The following TPR variants were observed in gnomAD, a reference collection of about 807,000 sequenced individuals.
TPR encodes the protein nucleoprotein TPR.
In TPR, 51 loss-of-function variants were observed where a neutral mutation model predicts 316.1. That is an observed-to-expected ratio of 0.16 (90% CI 0.13 to 0.20). The LOEUF is 0.20. Ranked by LOEUF, TPR falls within the 10% of genes least tolerant of loss-of-function variation. TPR has a pLI of 1.00. For synonymous variants in TPR, 981 were observed against 914.7 expected, an observed-to-expected ratio of 1.07 and a Z score of -1.31; for missense variants, 2,272 against 2,754.8, an observed-to-expected ratio of 0.82 and a Z score of 3.92.
chr1:186,374,627 G>A (rs2297226), intron 1 of TPR, among the ~76,000 whole-genome samples: 28,453 of 152,102 alleles, frequency 0.19, 3,018 homozygotes, highest in African/African-American at 0.29. Context: ...GCCGGACGAA[G>A]GAAAATAAGC....
At chr1:186,314,934 A>G (rs1175767779) in intron 49 of TPR, among the ~76,000 whole-genome samples, 1 of 152,186 alleles carries the variant, frequency 6.6e-6, no homozygotes, top group East Asian at 1.9e-4. Flanking sequence ...TGGGAGGCTA[A>G]GGTGGGAGGA....
chr1:186,324,866 C>T (rs937346404), intron 42 of TPR, among the ~76,000 whole-genome samples: 5 of 151,978 alleles, frequency 3.3e-5, no homozygotes, highest in African/African-American at 1.2e-4. Flanking sequence ...ATTCCTCCCT[C>T]TATATTTCAA....
chr1:186,350,244 A>T lies in TPR; in HGVS notation c.2755T>A (p.Ser919Thr). 6.2e-7 allele frequency: 1 copy of T among 1,610,564 alleles called. No individual in the cohort carries two copies. ...TTACCTTTACCAGTTCTCTGTGAAG[A>T]CTGAGAAGCAACTTGGACTTCCATA... ...SNMEVQVASQ[S>T]SQRTGKGQPS... The change falls in exon 21 of 51, where the codon TCT (serine) becomes ACT (threonine). Residue 919 changes from serine (S) to threonine (T), a missense_variant. Ser to Thr is a moderately conservative substitution (Grantham distance 58). Around this residue, in one of 10 missense-constraint regions of TPR, gnomAD observed 757 missense variants for 859.8 expected, o/e 0.88. Transcript: ENST00000367478.
chr1:186,326,752 T>C lies in TPR; in HGVS notation c.5890-517A>G, dbSNP rs1657945818. On this transcript the variant is annotated intron_variant, in intron 40 of 50. Coordinates refer to ENST00000367478, the MANE Select transcript of TPR (RefSeq NM_003292.3). ...ACAAAAACAATTCTTGTTTCTTCTTTTTATCTCCGGAAACCATAGCACTTA... is the reference window on the plus strand; with the variant it reads ...ACAAAAACAATTCTTGTTTCTTCTTCTTATCTCCGGAAACCATAGCACTTA... Among the ~76,000 whole-genome samples, 3 of 150,664 alleles carry C rather than the reference T, an allele frequency of 2.0e-5. No homozygotes were observed. In the South Asian group the frequency reaches 6.2e-4, roughly 31 times the overall value.
chr1:186,355,305 C>T (rs925516031), intron 17 of TPR, 105 bp downstream of exon 17: 2 of 1,222,480 alleles, frequency 1.6e-6, no homozygotes, highest in Non-Finnish European at 2.3e-6. Flanking sequence ...GAACACAGTT[C>T]ACAAAAAAAG....
At position 186,312,584 on chromosome 1, in the gene TPR, TGTTA is replaced by T. The variant is rs1571587760; in HGVS notation, c.*1383_*1386del. ...GTAAGTAAAGCAGTTTGTTCAGGTT[TGTTA>T]GTTATAACCAATACTATTTATCAAG... On this transcript the variant is annotated 3_prime_UTR_variant, in exon 51 of 51. Transcript: ENST00000367478. The T allele has an allele frequency of 1.3e-6, 1 of 784,282 alleles. No homozygotes were observed. Among genetic ancestry groups the T allele is most frequent in the East Asian group, 2.7e-5 (1 of 37,520 alleles). 48.6% of individuals were successfully genotyped at this position (784,282 alleles called of 1,614,324 possible).
Position 186,313,621 on chromosome 1 carries a change from AT to A in TPR, c.*349del. The A allele has an allele frequency of 1.0e-6, 1 of 982,154 alleles. No homozygotes were observed. Among genetic ancestry groups the A allele is most frequent in the East Asian group, 2.4e-5 (1 of 41,952 alleles). 60.8% of individuals were successfully genotyped at this position (982,154 alleles called of 1,614,324 possible). On this transcript the variant is annotated 3_prime_UTR_variant, in exon 51 of 51. Transcript: ENST00000367478. ...TTGAGCATAATAGTCAACATAAGTTATTTTTTAGTTTGGGCATTGTTTTCTT... is the reference window on the plus strand; with the variant it reads ...TTGAGCATAATAGTCAACATAAGTTATTTTTAGTTTGGGCATTGTTTTCTT...
At chr1:186,343,135 G>A (rs1228289957) in intron 27 of TPR, 191 bp downstream of exon 27, 1 of 548,166 alleles carries the variant, frequency 1.8e-6, no homozygotes, top group African/African-American at 2.0e-5. Flanking sequence ...CTGAAACCAG[G>A]CAGTTTGGTT....
chr1:186,325,284 A>T (rs1234590436), intron 42 of TPR, among the ~76,000 whole-genome samples: 1 of 152,188 alleles, frequency 6.6e-6, no homozygotes. Context: ...TTTAATGCCC[A>T]CAACTTTTCA....
chr1:186,337,701 T>C (rs1658382177), intron 31 of TPR, among the ~76,000 whole-genome samples: 1 of 152,044 alleles, frequency 6.6e-6, no homozygotes, highest in South Asian at 2.1e-4. Flanking sequence ...TGATAGGTGG[T>C]TAACATAAAC....
Position 186,326,252 on chromosome 1 carries a change from C to CA in TPR, c.5890-18dup. On this transcript the variant is annotated splice_polypyrimidine_tract_variant and intron_variant, in intron 40 of 50. Transcript: ENST00000367478. Reference sequence around the variant, plus strand: ...TTCATAATCCTAGTAGAAAGTTCCCCAGGCATAAATAAAAGTTTAGAATAT... The same window carrying CA: ...TTCATAATCCTAGTAGAAAGTTCCCCAAGGCATAAATAAAAGTTTAGAATAT... The CA allele has an allele frequency of 6.3e-7, 1 of 1,593,356 alleles. No homozygotes were observed. The highest frequency in any genetic ancestry group is 8.5e-7 in the Non-Finnish European group (1 of 1,169,944).
At chr1:186,362,232 A>G in intron 7 of TPR, 56 bp downstream of exon 7, 1 of 1,409,786 alleles carries the variant, frequency 7.1e-7, no homozygotes. Flanking sequence ...GTGAAATAAC[A>G]GCTTCGTAAG....
rs761084838 is a variant in TPR, at chr1:186,343,365, T to C, written c.3711A>G (p.Glu1237=). ...RVELLERELQ[E]LQDSLNAERE... is the part of the protein sequence containing the mutation. Reference sequence around the variant, plus strand: ...TTTCAGCATTTAGACTATCTTGCAGTTCCTGCAGCTCTCTTTCTAAAAGTT... The same window carrying C: ...TTTCAGCATTTAGACTATCTTGCAGCTCCTGCAGCTCTCTTTCTAAAAGTT... The change falls in exon 27 of 51, where the codon GAA becomes GAG. Residue 1237 remains glutamate (E), a synonymous_variant. Coordinates refer to ENST00000367478, the MANE Select transcript of TPR (RefSeq NM_003292.3). 5 of 1,614,030 alleles carry C rather than the reference T, an allele frequency of 3.1e-6. No individual in the cohort carries two copies. Among genetic ancestry groups the C allele is most frequent in the Non-Finnish European group, 4.2e-6 (5 of 1,179,948 alleles).
At chr1:186,317,337 C>T in intron 49 of TPR, 145 bp downstream of exon 49, 1 of 664,726 alleles carries the variant, frequency 1.5e-6, no homozygotes, top group Non-Finnish European at 2.6e-6. Context: ...AAACCAAGTT[C>T]CTTTTAATAA....
At position 186,360,342 on chromosome 1, in the gene TPR, C is replaced by A; in HGVS notation, c.1122G>T (p.Glu374Asp). 1 of 1,613,342 alleles carries A rather than the reference C, an allele frequency of 6.2e-7. No homozygotes were observed. Among genetic ancestry groups the A allele is most frequent in the Non-Finnish European group, 8.5e-7 (1 of 1,179,502 alleles). Residue 374 changes from glutamate (E) to aspartate (D), a missense_variant, in exon 11 of 51, where the codon GAG becomes GAT. Glu to Asp is a conservative substitution (Grantham distance 45). Around this residue, in one of 10 missense-constraint regions of TPR, gnomAD observed 549 missense variants for 598.6 expected, o/e 0.92. Transcript: ENST00000367478. ...CTGCAGTAGGAGACATGGCGGCAAGCTCTTCTTCAGACAATATGGCTCCTG... is the reference window on the plus strand; with the variant it reads ...CTGCAGTAGGAGACATGGCGGCAAGATCTTCTTCAGACAATATGGCTCCTG... ...KRKGAILSEEELAAMSPTAAA... is the reference protein window; with the variant it reads ...KRKGAILSEEDLAAMSPTAAA...
At position 186,348,796 on chromosome 1, in the gene TPR, T is replaced by G. The variant is rs968277324; in HGVS notation, c.2777-1338A>C. ...CTCCCAATAATTAAACATTATTTAC[T>G]CTAAAACACTAAATCTTAAATCTAA... On this transcript the variant is annotated intron_variant, in intron 21 of 50. Transcript: ENST00000367478. Among the ~76,000 whole-genome samples the G allele has an allele frequency of 1.6e-4, 25 of 152,336 alleles. 1 individual carries two copies. Among genetic ancestry groups the G allele is most frequent in the African/African-American group, 5.8e-4 (24 of 41,574 alleles).
In TPR at chr1:186,332,279, T is replaced by C. The variant is rs1424443289; in HGVS notation, c.5520A>G (p.Ile1840Met). 1.2e-6 allele frequency: 2 copies of C among 1,612,816 alleles called. No homozygotes were observed. Among genetic ancestry groups the C allele is most frequent in the Admixed American group, 1.7e-5 (1 of 59,872 alleles). Residue 1840 changes from isoleucine to methionine, a missense_variant, in exon 38 of 51, where the codon ATA (isoleucine) becomes ATG (methionine). Physicochemically the swap from Ile to Met is conservative, Grantham distance 10. Transcript: ENST00000367478. ...RTREEEEDST[I>M]EASDQVSDDT... ...CATCAGAGACTTGGTCTGATGCTTC[T>C]ATGGTGCTATCCTCTTCCTCTTCAC...
At chr1:186,317,227 T>C (rs994983252) in intron 49 of TPR, among the ~76,000 whole-genome samples, 5 of 152,254 alleles carry the variant, frequency 3.3e-5, no homozygotes, top group African/African-American at 1.2e-4. Flanking sequence ...ACCAATAGTC[T>C]AGATGAAACA....
In TPR at chr1:186,339,787, A is replaced by C. The variant is rs1316598162; in HGVS notation, c.4021-15T>G. On this transcript the variant is annotated splice_polypyrimidine_tract_variant and intron_variant, in intron 29 of 50. Transcript: ENST00000367478. Reference sequence around the variant, plus strand: ...CTTACTAGATGCTAGAATAACAAAAATGCATACTTGATTTTTTTAGGTTTT... The same window carrying C: ...CTTACTAGATGCTAGAATAACAAAACTGCATACTTGATTTTTTTAGGTTTT... 2 of 1,552,478 alleles carry C rather than the reference A, an allele frequency of 1.3e-6. No individual in the cohort carries two copies. Among genetic ancestry groups the C allele is most frequent in the African/African-American group, 2.8e-5 (2 of 71,492 alleles).
Sources: gnomAD v4.1 joint callset for allele counts (sites outside exome capture counted in the v4.1 genomes callset) on GRCh38, gnomAD v4.1.1 for gene constraint, gnomAD v4.1.1 regional missense constraint, MANE v1.5 for transcripts, NCBI Gene and HGNC (gene_info 2026-07-23, HGNC 2026-07-21) for gene names.